The following THOP1 variants were observed in gnomAD, a reference collection of about 807,000 sequenced individuals.
THOP1 encodes the protein thimet oligopeptidase.
In THOP1, 49 loss-of-function variants were observed where a neutral mutation model predicts 71.8. The observed-to-expected ratio is 0.68, with a 90% CI of 0.54 to 0.87. The LOEUF (loss-of-function observed/expected upper bound fraction) is 0.87, where lower values mean the gene tolerates loss of function less well. THOP1 is among the 40% of genes least tolerant of loss of function. The pLI is 0.00. For missense variants in THOP1, 843 were observed against 975.6 expected (o/e 0.86, Z 1.81); for synonymous variants, 426 against 421.5 (o/e 1.01, Z -0.13).
chr19:2,794,562 A>G (rs1915966003), intron 2 of THOP1, among the ~76,000 whole-genome samples: 1 of 152,290 alleles, frequency 6.6e-6, no homozygotes, highest in South Asian at 2.1e-4. Flanking sequence ...CACAGGCAAC[A>G]GCACCTCCTT....
chr19:2,795,897 A>C, intron 3 of THOP1, 184 bp from the exon 4 acceptor site: 1 of 525,392 alleles, frequency 1.9e-6, no homozygotes, highest in South Asian at 2.0e-5. Flanking sequence ...TCTTCCAAAC[A>C]AAGCGAACGT....
chr19:2,803,261 G>A (rs891561803), intron 5 of THOP1, among the ~76,000 whole-genome samples: 6 of 152,160 alleles, frequency 3.9e-5, no homozygotes, highest in African/African-American at 1.4e-4. Flanking sequence ...ACGCATCTCT[G>A]CACCACACAT....
chr19:2,812,485 G>A, intron 12 of THOP1: 2 of 1,274,402 alleles, frequency 1.6e-6, no homozygotes, highest in Non-Finnish European at 2.0e-6. Context: ...GCCCAGCAGG[G>A]ACCTCCCCCC....
rs986940797 is a variant in THOP1, at chr19:2,808,164, G to A, written c.1254-79G>A. 2.6e-5 allele frequency: 38 copies of A among 1,466,244 alleles called. No individual in the cohort carries two copies. In the African/African-American group the frequency reaches 5.1e-4, roughly 20 times the overall value. 90.8% of individuals were successfully genotyped at this position (1,466,244 alleles called of 1,614,324 possible). Reference sequence around the variant, plus strand: ...CCCGGCGGTCTGGGTTAGCAGTCAGGTGGGCTGAGGGATGCGGAGTCAGGG... The same window carrying A: ...CCCGGCGGTCTGGGTTAGCAGTCAGATGGGCTGAGGGATGCGGAGTCAGGG... On this transcript the variant is annotated intron_variant, in intron 8 of 12. Coordinates refer to ENST00000307741, the MANE Select transcript of THOP1 (RefSeq NM_003249.5).
intron 4 of THOP1, among the ~76,000 whole-genome samples, chr19:2,798,855 C>A (rs1209484715): frequency 2.0e-5 from 3 of 152,244 alleles, no homozygotes; most frequent in Non-Finnish European, 4.4e-5. Context: ...AGCCCTGCTG[C>A]CAGCCTGTCA....
chr19:2,785,810 G>C, intron 1 of THOP1, 132 bp downstream of exon 1: 1 of 782,670 alleles, frequency 1.3e-6, no homozygotes, highest in Non-Finnish European at 1.8e-6. Flanking sequence ...GGGCAGCGGG[G>C]GAGGTGGACG....
chr19:2,788,206 T>C (rs1017422294), intron 1 of THOP1, among the ~76,000 whole-genome samples: 1 of 152,158 alleles, frequency 6.6e-6, no homozygotes, highest in African/African-American at 2.4e-5. Flanking sequence ...TTGTTCCCGT[T>C]TTGCAGGTGG....
rs368101095 is a variant in THOP1 at position 2,811,591 on chromosome 19, G to A, written c.1772-7G>A. Reference sequence around the variant, plus strand: ...ACAGCGTGAACCCTGCCATGTGTCCGCCCCAGGAACCAACATGCCTGCAAC... The same window carrying A: ...ACAGCGTGAACCCTGCCATGTGTCCACCCCAGGAACCAACATGCCTGCAAC... On this transcript the variant is annotated splice_polypyrimidine_tract_variant and splice_region_variant and intron_variant, in intron 11 of 12. Coordinates refer to ENST00000307741, the MANE Select transcript of THOP1 (RefSeq NM_003249.5). The A allele has an allele frequency of 3.5e-5, 57 of 1,611,316 alleles. No homozygotes were observed. Among genetic ancestry groups the A allele is most frequent in the South Asian group, 3.1e-4 (28 of 90,936 alleles).
At chr19:2,797,656 A>T (rs765437091) in intron 4 of THOP1, among the ~76,000 whole-genome samples, 9 of 152,230 alleles carry the variant, frequency 5.9e-5, no homozygotes, top group Non-Finnish European at 1.2e-4. Flanking sequence ...TTAAGCTGTG[A>T]TGTTCGCTCC....
chr19:2,793,374 G>T (rs1456869108), intron 2 of THOP1, among the ~76,000 whole-genome samples: 1 of 152,060 alleles, frequency 6.6e-6, no homozygotes, highest in African/African-American at 2.4e-5. Context: ...CTGTGGATGG[G>T]CCTGTCCTGG....
Position 2,805,325 on chromosome 19 carries a change from C to G in THOP1, c.750+149C>G, listed in dbSNP as rs1916264451. 7 of 969,902 alleles carry G rather than the reference C, an allele frequency of 7.2e-6. No individual in the cohort carries two copies. The highest frequency in any genetic ancestry group is 3.3e-4 in the Middle Eastern group (1 of 3,038). The allele number at this position is 969,902 out of a possible 1,614,324, so 60.1% of individuals were successfully genotyped here. Reference sequence around the variant, plus strand: ...GGCCCAGTGGCCAGCAGAGGCCTCCCTGTGGGGCTCTGCCGTGCCCTGGAG... The same window carrying G: ...GGCCCAGTGGCCAGCAGAGGCCTCCGTGTGGGGCTCTGCCGTGCCCTGGAG... On this transcript the variant is annotated intron_variant, in intron 6 of 12. Transcript: ENST00000307741. This position sits in a 1 kb window ranked among gnomAD's most constrained non-coding sequence, Gnocchi z 6.6.
chr19:2,803,677 C>A (rs1372221147), intron 5 of THOP1, among the ~76,000 whole-genome samples: 2 of 152,172 alleles, frequency 1.3e-5, no homozygotes, highest in African/African-American at 4.8e-5. Flanking sequence ...GTGCAGGTCC[C>A]GGGAGGCCTC....
chr19:2,794,937 A>AAATAGCCTCC, intron 3 of THOP1, 25 bp downstream of exon 3: 1 of 1,592,112 alleles, frequency 6.3e-7, no homozygotes, highest in Non-Finnish European at 8.6e-7. Context: ...CGGGGAGTGC[A>AAATAGCCTCC]AATAGCCTCC....
At chr19:2,807,305 C>T (rs1464603604) in intron 7 of THOP1, 137 bp from the exon 8 acceptor site, 34 of 1,377,062 alleles carry the variant, frequency 2.5e-5, no homozygotes, top group Non-Finnish European at 3.1e-5. Flanking sequence ...ATGCTCGGCC[C>T]CTCGAGGGGT....
At position 2,811,681 on chromosome 19, in the gene THOP1, T is replaced by G. The variant is rs766926465; in HGVS notation, c.1855T>G (p.Ser619Ala). Residue 619 changes from serine (S) to alanine (A), a missense_variant, in exon 12 of 13, where the codon TCC (serine) becomes GCC (alanine). By Grantham distance (99) the Ser-to-Ala change is moderately conservative. Coordinates refer to ENST00000307741, the MANE Select transcript of THOP1 (RefSeq NM_003249.5). ...CGGGTACCTGTGGAGCGAGGTGTAT[T>G]CCATGGACATGTTCCACACGCGCTT... ...YYGYLWSEVY[S>A]MDMFHTRFKQ... The G allele has an allele frequency of 1.2e-6, 2 of 1,613,522 alleles. No individual in the cohort carries two copies. The highest frequency in any genetic ancestry group is 3.3e-5 in the Admixed American group (2 of 60,008).
intron 5 of THOP1, among the ~76,000 whole-genome samples, chr19:2,803,836 C>A (rs535222916): frequency 6.6e-6 from 1 of 152,200 alleles, no homozygotes; most frequent in African/African-American, 2.4e-5. Context: ...AAAATTTCCC[C>A]CATCTGCCTC....
At position 2,814,856 on chromosome 19, in the gene THOP1, A is replaced by C; in HGVS notation, c.*1580A>C. 1 of 152,684 alleles carries C rather than the reference A, an allele frequency of 6.5e-6. No individual in the cohort carries two copies. Among genetic ancestry groups the C allele is most frequent in the East Asian group, 1.9e-4 (1 of 5,196 alleles). The allele number at this position is 152,684 out of a possible 1,614,324, so 9.5% of individuals were successfully genotyped here. A position where few individuals can be genotyped will look rare whatever the true frequency, so the allele number is the denominator to read the frequency against. The stretch of plus-strand genomic sequence containing the variant: ...GGCGGAAGGATTGCTTGAGCCCAGG[A>C]GGGCAAGGCCAGCCTGGGCAACGTG... On this transcript the variant is annotated 3_prime_UTR_variant, in exon 13 of 13. Transcript: ENST00000307741.
At chr19:2,789,517 T>G (rs1031808696) in intron 1 of THOP1, among the ~76,000 whole-genome samples, 1 of 152,172 alleles carries the variant, frequency 6.6e-6, no homozygotes, top group Non-Finnish European at 1.5e-5. Context: ...CCAGGCTGAC[T>G]TTCTTGTTGA....
At position 2,808,142 on chromosome 19, in the gene THOP1, G is replaced by A. The variant is rs111830553; in HGVS notation, c.1254-101G>A. ...GAGGTTTAGAACCTCAGAGGTGCCC[G>A]GCGGTCTGGGTTAGCAGTCAGGTGG... On this transcript the variant is annotated intron_variant, in intron 8 of 12. Transcript: ENST00000307741. 5.3e-3 allele frequency: 7,105 copies of A among 1,331,240 alleles called. 23 individuals are homozygous for A. Among genetic ancestry groups the A allele is most frequent in the Non-Finnish European group, 6.6e-3 (6,408 of 965,280 alleles). 82.5% of individuals were successfully genotyped at this position (1,331,240 alleles called of 1,614,324 possible).
Sources: allele counts gnomAD v4.1 joint callset (sites outside exome capture counted in the v4.1 genomes callset), GRCh38; gene constraint gnomAD v4.1.1; non-coding constraint Gnocchi (gnomAD v3.1); transcripts MANE v1.5; gene names NCBI Gene and HGNC (gene_info 2026-07-23, HGNC 2026-07-21).